PRKCE: variants seen among roughly 807,000 people sequenced by gnomAD.
The protein encoded by PRKCE is protein kinase C epsilon.
In PRKCE, 16 loss-of-function variants were observed where a neutral mutation model predicts 85.4. The observed-to-expected ratio is 0.19, with a 90% CI of 0.13 to 0.28. The LOEUF (loss-of-function observed/expected upper bound fraction) is 0.28, where lower values mean the gene tolerates loss of function less well. Among genes scored for constraint, PRKCE ranks in the 10% least tolerant of loss-of-function variants. The pLI, the probability that PRKCE is intolerant of heterozygous loss-of-function variation, is 1.00. For missense variants in PRKCE, 573 were observed against 975.2 expected, an observed-to-expected ratio of 0.59 and a Z score of 5.49; for synonymous variants, 388 against 371.5, an observed-to-expected ratio of 1.04 and a Z score of -0.51.
chr2:45,908,813 T>G (rs544737183), intron 2 of PRKCE, among the ~76,000 whole-genome samples: 11 of 152,262 alleles, frequency 7.2e-5, no homozygotes, highest in African/African-American at 2.6e-4. Flanking sequence ...GTGAGAAGGA[T>G]TATCCTCCAG....
At chr2:46,154,604 C>A (rs1381693005) in intron 13 of PRKCE, among the ~76,000 whole-genome samples, 1 of 151,936 alleles carries the variant, frequency 6.6e-6, no homozygotes, top group East Asian at 1.9e-4. Context: ...CTTGTCCTCG[C>A]CCTCTGGGAC....
chr2:46,136,833 G>A (rs950401946), intron 11 of PRKCE, among the ~76,000 whole-genome samples: 22 of 152,276 alleles, frequency 1.4e-4, no homozygotes, highest in African/African-American at 3.6e-4. Flanking sequence ...CTTTCTCACC[G>A]GGCTATGCTA....
At chr2:45,842,331 T>C (rs61763779) in intron 1 of PRKCE, among the ~76,000 whole-genome samples, 9,830 of 152,302 alleles carry the variant, frequency 0.065, 412 homozygotes, top group East Asian at 0.14. Flanking sequence ...TCAGATACTT[T>C]ATCAGTTCTT....
chr2:45,924,636 G>T (rs1335740061), intron 2 of PRKCE, among the ~76,000 whole-genome samples: 1 of 152,176 alleles, frequency 6.6e-6, no homozygotes, highest in African/African-American at 2.4e-5. Flanking sequence ...GGTTGAAAGG[G>T]GGTTACCACA....
At chr2:45,671,014 G>C (rs1330476716) in intron 1 of PRKCE, among the ~76,000 whole-genome samples, 1 of 152,202 alleles carries the variant, frequency 6.6e-6, no homozygotes, top group African/African-American at 2.4e-5. Flanking sequence ...AGAGAGCTTA[G>C]TTCATGCCCT....
intron 1 of PRKCE, among the ~76,000 whole-genome samples, chr2:45,732,933 A>T (rs2104566140): frequency 6.6e-6 from 1 of 152,314 alleles, no homozygotes; most frequent in Admixed American, 6.5e-5. Context: ...TCAAGGGTCG[A>T]CGACTTTCTT....
At chr2:45,705,077 C>A (rs1240397963) in intron 1 of PRKCE, among the ~76,000 whole-genome samples, 2 of 152,154 alleles carry the variant, frequency 1.3e-5, no homozygotes, top group Non-Finnish European at 2.9e-5. Context: ...CTTACAAATG[C>A]CAGAGACTTA....
At chr2:46,161,460 C>A (rs1677750482) in intron 14 of PRKCE, among the ~76,000 whole-genome samples, 1 of 152,178 alleles carries the variant, frequency 6.6e-6, no homozygotes, top group African/African-American at 2.4e-5. Flanking sequence ...CAGTGCAGGG[C>A]TACAAGATGA....
chr2:46,108,525 G>A (rs1410405355), intron 11 of PRKCE, among the ~76,000 whole-genome samples: 1 of 152,184 alleles, frequency 6.6e-6, no homozygotes, highest in Non-Finnish European at 1.5e-5. Flanking sequence ...AAGGGGAATG[G>A]GTGATAGGAG....
chr2:45,977,638 T>TAA (rs5830884), intron 3 of PRKCE, among the ~76,000 whole-genome samples: 2 of 142,508 alleles, frequency 1.4e-5, no homozygotes, highest in South Asian at 2.3e-4. Flanking sequence ...GACTCTGTCT[T>TAA]AAAAAAAAAA....
Position 46,131,689 on chromosome 2 carries a change from A to T in PRKCE, c.1593-13404A>T, listed in dbSNP as rs192774286. The stretch of plus-strand genomic sequence containing the variant: ...CTTCTTGGTTGGAAGACTGGAAGGC[A>T]TGTGGAGAACATGGAACTCTGGTGG... On this transcript the variant is annotated intron_variant, in intron 11 of 14. Transcript: ENST00000306156. Among the ~76,000 whole-genome samples, 3 of 152,344 alleles carry T rather than the reference A, an allele frequency of 2.0e-5. No homozygotes were observed. The East Asian group carries it at 5.8e-4, about 29-fold the overall frequency.
chr2:45,918,872 T>C (rs1453623961), intron 2 of PRKCE, among the ~76,000 whole-genome samples: 3 of 152,226 alleles, frequency 2.0e-5, no homozygotes, highest in Admixed American at 1.3e-4. Flanking sequence ...TTATTGAATG[T>C]TGCAGAGGTT....
chr2:45,991,137 G>A (rs1558929546), intron 6 of PRKCE, among the ~76,000 whole-genome samples: 1 of 151,824 alleles, frequency 6.6e-6, no homozygotes, highest in East Asian at 1.9e-4. Flanking sequence ...CTCCCAAGTA[G>A]CTGGGATTAC....
intron 6 of PRKCE, among the ~76,000 whole-genome samples, chr2:45,985,139 G>A (rs148392750): frequency 5.0e-4 from 76 of 152,278 alleles, no homozygotes; most frequent in African/African-American, 1.5e-3. Flanking sequence ...TTGCTGACTC[G>A]TCACCAGCTT....
intron 1 of PRKCE, among the ~76,000 whole-genome samples, chr2:45,818,847 T>A (rs1689293150): frequency 6.6e-6 from 1 of 152,186 alleles, no homozygotes. Context: ...ACTCTTGCAT[T>A]TGCCACCGAG....
At chr2:46,042,706 A>G (rs1490127928) in intron 10 of PRKCE, among the ~76,000 whole-genome samples, 1 of 152,222 alleles carries the variant, frequency 6.6e-6, no homozygotes, top group Non-Finnish European at 1.5e-5. Context: ...GGCTTCTTCC[A>G]TGTTACAAAA....
At chr2:45,909,561 T>C (rs529546218) in intron 2 of PRKCE, among the ~76,000 whole-genome samples, 1 of 152,308 alleles carries the variant, frequency 6.6e-6, no homozygotes, top group Non-Finnish European at 1.5e-5. Flanking sequence ...AGAAAGTTGT[T>C]AAAATAGCAA....
At chr2:45,885,176 T>C (rs1051891025) in intron 2 of PRKCE, among the ~76,000 whole-genome samples, 47 of 152,012 alleles carry the variant, frequency 3.1e-4, no homozygotes, top group African/African-American at 1.1e-3. Flanking sequence ...GCTTTCAGAA[T>C]TATCTTTTGC....
chr2:46,099,090 A>G (rs1322252360), intron 11 of PRKCE, among the ~76,000 whole-genome samples: 2 of 151,980 alleles, frequency 1.3e-5, no homozygotes, highest in African/African-American at 2.4e-5. Context: ...TCTTCTTCCA[A>G]CATTCTTGGC....
Sources: gnomAD v4.1 joint callset for allele counts (sites outside exome capture counted in the v4.1 genomes callset) on GRCh38, gnomAD v4.1.1 for gene constraint, MANE v1.5 for transcripts, NCBI Gene and HGNC (gene_info 2026-07-23, HGNC 2026-07-21) for gene names.